The following CCDC62 variants were observed in gnomAD, a reference collection of about 807,000 sequenced individuals.
The protein encoded by CCDC62 is coiled-coil domain-containing protein 62.
Under a neutral mutation model 80.8 loss-of-function variants are expected in CCDC62, and 72 were observed. The observed-to-expected ratio is 0.89, with a 90% confidence interval of 0.74 to 1.08. CCDC62 has a LOEUF of 1.08. Ranked by LOEUF, CCDC62 falls within the 50% of genes least tolerant of loss-of-function variation. CCDC62 has a pLI of 0.00. For missense variants in CCDC62, 704 were observed against 809.4 expected, an observed-to-expected ratio of 0.87 and a Z score of 1.58; for synonymous variants, 286 against 296.5, an observed-to-expected ratio of 0.96 and a Z score of 0.36.
intron 2 of CCDC62, among the ~76,000 whole-genome samples, chr12:122,779,236 T>C (rs1879671820): frequency 6.6e-6 from 1 of 152,230 alleles, no homozygotes; most frequent in Non-Finnish European, 1.5e-5. Flanking sequence ...CAAATTGAGA[T>C]ACTATTTTAC....
At chr12:122,796,954 A>C (rs1003819589) in intron 6 of CCDC62, among the ~76,000 whole-genome samples, 2 of 149,292 alleles carry the variant, frequency 1.3e-5, no homozygotes, top group African/African-American at 2.5e-5. Context: ...ATCTCTGCTC[A>C]CTGCAACTTC....
intron 4 of CCDC62, among the ~76,000 whole-genome samples, chr12:122,786,602 C>T (rs1401176136): frequency 1.3e-5 from 2 of 152,120 alleles, no homozygotes; most frequent in Admixed American, 1.3e-4. Context: ...GAAATGCTCA[C>T]GCTAATAAAT....
intron 10 of CCDC62, among the ~76,000 whole-genome samples, chr12:122,811,210 C>CTTTT (rs34599465): frequency 1.7e-5 from 2 of 120,088 alleles, no homozygotes; most frequent in African/African-American, 3.2e-5. Flanking sequence ...ATTAAGTTTC[C>CTTTT]TTTTTTTTTT....
intron 2 of CCDC62, among the ~76,000 whole-genome samples, chr12:122,778,889 GAAAC>G (rs10594996): frequency 0.12 from 17,740 of 151,938 alleles, 1,645 homozygotes; most frequent in East Asian, 0.27. Flanking sequence ...AACAAAGAAA[GAAAC>G]AAACAAAAAA....
chr12:122,797,695 C>A (rs1185038583), intron 7 of CCDC62, among the ~76,000 whole-genome samples: 2 of 152,114 alleles, frequency 1.3e-5, no homozygotes, highest in Admixed American at 1.3e-4. Context: ...TGCCCACCAC[C>A]ACGCCCAGCC....
chr12:122,812,827 G>GAA (rs1555257979), intron 10 of CCDC62, among the ~76,000 whole-genome samples: 1 of 148,898 alleles, frequency 6.7e-6, no homozygotes, highest in African/African-American at 2.5e-5. Flanking sequence ...AAGAAAGAAA[G>GAA]AAAAGGAATG....
intron 11 of CCDC62, among the ~76,000 whole-genome samples, chr12:122,818,084 G>T (rs977705821): frequency 6.6e-6 from 1 of 152,104 alleles, no homozygotes; most frequent in African/African-American, 2.4e-5. Context: ...GAGGTGGGAG[G>T]ATCACTTGAG....
At chr12:122,795,694 G>A (rs532686594) in intron 6 of CCDC62, among the ~76,000 whole-genome samples, 114 of 152,292 alleles carry the variant, frequency 7.5e-4, no homozygotes, top group Middle Eastern at 3.4e-3. Flanking sequence ...AAAGTGCTGG[G>A]ATTACAGGCG....
rs976904325 is a variant in CCDC62 at position 122,827,213 on chromosome 12, AAT to A, written c.*835_*836del. On this transcript the variant is annotated 3_prime_UTR_variant, in exon 13 of 13. Transcript: ENST00000253079. ...AAGATATTTTTAATATTAAAGAAAA[AAT>A]ATGTTTCCTTGGTTTCTTTTTATTT... is the stretch of plus-strand genomic sequence containing the variant. 6.6e-6 allele frequency: 1 copy of A among 152,222 alleles called. No homozygotes were observed. The highest frequency in any genetic ancestry group is 2.4e-5 in the African/African-American group (1 of 41,454). 9.4% of individuals were successfully genotyped at this position (152,222 alleles called of 1,614,324 possible).
intron 11 of CCDC62, among the ~76,000 whole-genome samples, chr12:122,821,781 G>T (rs962503680): frequency 2.6e-5 from 4 of 151,934 alleles, no homozygotes; most frequent in African/African-American, 7.2e-5. Context: ...AATAATAATT[G>T]TATATATTTA....
chr12:122,807,425 G>A (rs939691716), intron 10 of CCDC62, among the ~76,000 whole-genome samples: 13 of 151,072 alleles, frequency 8.6e-5, no homozygotes, highest in Non-Finnish European at 1.9e-4. Context: ...CAGCTACTTG[G>A]GAGGCTGAGG....
At chr12:122,812,302 T>C (rs7960548) in intron 10 of CCDC62, among the ~76,000 whole-genome samples, 128,010 of 151,500 alleles carry the variant, frequency 0.84, 55,265 homozygotes, top group East Asian at 0.99. Context: ...ATTAGCCAGG[T>C]GTGGTGGCGG....
At chr12:122,792,659 C>T (rs539852679) in intron 6 of CCDC62, among the ~76,000 whole-genome samples, 3 of 152,194 alleles carry the variant, frequency 2.0e-5, no homozygotes, top group African/African-American at 7.2e-5. Flanking sequence ...GCTGGGATTA[C>T]AGGCGCATGC....
Position 122,792,831 on chromosome 12 carries a change from T to G in CCDC62, c.772+710T>G, listed in dbSNP as rs529470379. On this transcript the variant is annotated intron_variant, in intron 6 of 12. Coordinates refer to ENST00000253079, the MANE Select transcript of CCDC62 (RefSeq NM_201435.5). ...TCACGCCAGGCCTTTTTGTTTGTTT[T>G]TAACACCCTTTGTGGGACCGATGGT... is the stretch of plus-strand genomic sequence containing the variant. 3.3e-5 allele frequency among the ~76,000 whole-genome samples: 5 copies of G among 152,304 alleles called. No individual in the cohort carries two copies. The South Asian group carries it at 6.2e-4, about 19-fold the overall frequency.
At chr12:122,800,892 A>T (rs1329011341) in intron 8 of CCDC62, among the ~76,000 whole-genome samples, 1 of 152,216 alleles carries the variant, frequency 6.6e-6, no homozygotes, top group Non-Finnish European at 1.5e-5. Flanking sequence ...TTTCTGCAGT[A>T]TTCTTTTTTT....
intron 10 of CCDC62, among the ~76,000 whole-genome samples, chr12:122,809,917 G>A (rs2135574460): frequency 1.3e-5 from 2 of 152,226 alleles, no homozygotes; most frequent in Middle Eastern, 6.8e-3. Flanking sequence ...AAGAAATGGG[G>A]AAAGGATTCC....
intron 12 of CCDC62, among the ~76,000 whole-genome samples, chr12:122,825,992 T>C: frequency 9.9e-5 from 1 of 10,106 alleles, no homozygotes; most frequent in Admixed American, 1.5e-3. Context: ...AAACTCCGTC[T>C]CAAAAAAAAA....
chr12:122,817,193 A>G (rs1461475398), intron 11 of CCDC62, among the ~76,000 whole-genome samples: 2 of 148,250 alleles, frequency 1.3e-5, no homozygotes, highest in Admixed American at 6.8e-5. Flanking sequence ...CTGGGACTAC[A>G]GGCACCCGCC....
Position 122,783,613 on chromosome 12 carries a change from G to A in CCDC62, c.397-2106G>A, listed in dbSNP as rs537129667. 2.3e-3 allele frequency among the ~76,000 whole-genome samples: 342 copies of A among 151,902 alleles called. 1 individual carries two copies. The highest frequency in any genetic ancestry group is 6.8e-3 in the Middle Eastern group (2 of 292). ...ATAATAGTATAGATTTTTATTTTAT[G>A]GTTTTTAAAAGAATACTATTCTAGA... On this transcript the variant is annotated intron_variant, in intron 3 of 12. Coordinates refer to ENST00000253079, the MANE Select transcript of CCDC62 (RefSeq NM_201435.5).
Sources: gnomAD v4.1 joint callset for allele counts (sites outside exome capture counted in the v4.1 genomes callset) on GRCh38, gnomAD v4.1.1 for gene constraint, MANE v1.5 for transcripts, NCBI Gene and HGNC (gene_info 2026-07-23, HGNC 2026-07-21) for gene names.